LIN54: variants seen among roughly 807,000 people sequenced by gnomAD.
LIN54 encodes the protein lin-54 DREAM MuvB core complex component.
A neutral mutation model predicts 78.7 loss-of-function variants in LIN54; 9 were observed. The ratio of observed to expected loss-of-function variants is 0.11; its 90% CI spans 0.07 to 0.20. The LOEUF (loss-of-function observed/expected upper bound fraction) is 0.20, where lower values mean the gene tolerates loss of function less well. Among genes scored for constraint, LIN54 ranks in the 10% least tolerant of loss-of-function variants. The pLI, the probability that LIN54 is intolerant of heterozygous loss-of-function variation, is 1.00. For missense variants in LIN54, 573 were observed against 889.9 expected (o/e 0.64, Z 4.53); for synonymous variants, 269 against 318.4 (o/e 0.84, Z 1.65).
chr4:82,998,591 AAAGAGAGAAAGAG>A (rs909088954), intron 1 of LIN54, among the ~76,000 whole-genome samples: 1 of 147,668 alleles, frequency 6.8e-6, no homozygotes, highest in African/African-American at 2.6e-5. Context: ...GAGAGAAAGA[AAAGAGAGAAAGAG>A]AAGAGAGAAA....
At chr4:82,973,878 T>C (rs764568800) in intron 3 of LIN54, among the ~76,000 whole-genome samples, 4 of 152,186 alleles carry the variant, frequency 2.6e-5, no homozygotes, top group African/African-American at 4.8e-5. Flanking sequence ...GATATACATA[T>C]TCATGCAACA....
intron 5 of LIN54, among the ~76,000 whole-genome samples, chr4:82,943,861 ATTTTTTT>A (rs35020887): frequency 3.9e-5 from 5 of 128,390 alleles, no homozygotes; most frequent in East Asian, 4.7e-4. Context: ...GTCAATACTG[ATTTTTTT>A]TTTTTTTTTT....
At chr4:83,007,326 TAAAA>T (rs944657122) in intron 1 of LIN54, among the ~76,000 whole-genome samples, 2 of 151,674 alleles carry the variant, frequency 1.3e-5, no homozygotes, top group African/African-American at 4.8e-5. Flanking sequence ...TATACAAAAA[TAAAA>T]AAGGGAACTT....
At chr4:82,933,372 C>T (rs1722123858) in intron 11 of LIN54, among the ~76,000 whole-genome samples, 1 of 150,464 alleles carries the variant, frequency 6.6e-6, no homozygotes, top group Admixed American at 6.6e-5. Flanking sequence ...TTTAACTTCC[C>T]CTATACCAAA....
At chr4:82,929,614 G>C (rs1252923923) in intron 12 of LIN54, among the ~76,000 whole-genome samples, 1 of 151,996 alleles carries the variant, frequency 6.6e-6, no homozygotes, top group Non-Finnish European at 1.5e-5. Context: ...AGACCAGGCT[G>C]GCCAACATAG....
intron 4 of LIN54, among the ~76,000 whole-genome samples, chr4:82,959,336 A>T (rs867676323): frequency 4.6e-5 from 7 of 152,042 alleles, no homozygotes; most frequent in South Asian, 2.1e-4. Flanking sequence ...TCCAAAAAAA[A>T]TTTTTTTAAT....
chr4:82,971,819 AG>A, intron 3 of LIN54, among the ~76,000 whole-genome samples: 1 of 152,350 alleles, frequency 6.6e-6, no homozygotes, highest in Non-Finnish European at 1.5e-5. Flanking sequence ...TAAAGAGGAA[AG>A]TCAAGCATCT....
Position 82,964,603 on chromosome 4 carries a change from A to G in LIN54, c.951+5724T>C, listed in dbSNP as rs542481987. Reference sequence around the variant, plus strand: ...CATAAAATTCTTTTTCTATTATTGTAAATTAGATGGATAGATTTTTGGCTA... The same window carrying G: ...CATAAAATTCTTTTTCTATTATTGTGAATTAGATGGATAGATTTTTGGCTA... On this transcript the variant is annotated intron_variant, in intron 4 of 12. Coordinates refer to ENST00000340417, the MANE Select transcript of LIN54 (RefSeq NM_194282.4). Among the ~76,000 whole-genome samples the G allele has an allele frequency of 2.6e-5, 4 of 152,308 alleles. No individual in the cohort carries two copies. In the South Asian group the frequency reaches 8.3e-4, roughly 32 times the overall value.
intron 4 of LIN54, among the ~76,000 whole-genome samples, chr4:82,967,063 A>G (rs1725261414): frequency 6.6e-6 from 1 of 151,928 alleles, no homozygotes; most frequent in Non-Finnish European, 1.5e-5. Flanking sequence ...ACCCATCTCT[A>G]CTAAAAATAG....
intron 3 of LIN54, among the ~76,000 whole-genome samples, chr4:82,973,338 C>T (rs1725843907): frequency 6.6e-6 from 1 of 152,132 alleles, no homozygotes; most frequent in South Asian, 2.1e-4. Context: ...TTCCCAAGAA[C>T]CTTGATATCC....
At chr4:83,011,964 G>A (rs1729878942), upstream of LIN54, 1 of 919,828 alleles carries the variant, frequency 1.1e-6, no homozygotes, top group South Asian at 5.1e-5. Context: ...GTCTAAGTTA[G>A]TGTAGGAAGA....
intron 4 of LIN54, among the ~76,000 whole-genome samples, chr4:82,962,518 T>C (rs1724879836): frequency 6.6e-6 from 1 of 152,130 alleles, no homozygotes; most frequent in African/African-American, 2.4e-5. Context: ...ATAAGAACTT[T>C]ATGATTAATT....
rs558030468 is a variant in LIN54 at position 82,973,297 on chromosome 4, T to C, written c.809-2828A>G. Reference sequence around the variant, plus strand: ...CAACATACTCATAAAGCAGGTCATTTCTACCAAAATATTTCTAGATTTCAT... The same window carrying C: ...CAACATACTCATAAAGCAGGTCATTCCTACCAAAATATTTCTAGATTTCAT... On this transcript the variant is annotated intron_variant, in intron 3 of 12. Transcript: ENST00000340417. Among the ~76,000 whole-genome samples the C allele has an allele frequency of 6.6e-5, 10 of 152,312 alleles. No homozygotes were observed. In the East Asian group the frequency reaches 1.9e-3, roughly 29 times the overall value.
At chr4:82,937,481 A>T (rs775819476) in intron 8 of LIN54, among the ~76,000 whole-genome samples, 183 bp from the exon 9 acceptor site, 1 of 152,232 alleles carries the variant, frequency 6.6e-6, no homozygotes, top group Non-Finnish European at 1.5e-5. Flanking sequence ...GTGTCCATCT[A>T]AAATAAAAAG....
intron 2 of LIN54, 120 bp downstream of exon 2, chr4:82,984,041 A>C (rs1381295501): frequency 1.4e-6 from 1 of 709,080 alleles, no homozygotes; most frequent in African/African-American, 1.8e-5. Context: ...ATTACATAAA[A>C]CAACATTCAA....
At position 82,979,939 on chromosome 4, in the gene LIN54, C is replaced by CAAAAAAAAAAAAAAA. The variant is rs70943176; in HGVS notation, c.685-948_685-934dup. 9.0e-4 allele frequency among the ~76,000 whole-genome samples: 45 copies of CAAAAAAAAAAAAAAA among 49,850 alleles called. 6 individuals are homozygous for CAAAAAAAAAAAAAAA. The highest frequency in any genetic ancestry group is 2.3e-3 in the East Asian group (4 of 1,710). The allele number at this position is 49,850 out of a possible 152,430, so 32.7% of individuals were successfully genotyped here. ...TGACAGAGTGAGTGAGACTCTGTCT[C>CAAAAAAAAAAAAAAA]AAAAAAAAAAAAAAAAAAAAAAAAA... On this transcript the variant is annotated intron_variant, in intron 2 of 12. Transcript: ENST00000340417.
intron 5 of LIN54, among the ~76,000 whole-genome samples, chr4:82,942,854 GCGCGCGCACACA>G (rs1439786682): frequency 8.5e-5 from 4 of 47,228 alleles, no homozygotes; most frequent in East Asian, 2.6e-3. Flanking sequence ...GTGTGCGTGT[GCGCGCGCACACA>G]CACACACACA....
intron 1 of LIN54, among the ~76,000 whole-genome samples, chr4:83,008,757 C>A (rs1729620786): frequency 6.6e-6 from 1 of 152,176 alleles, no homozygotes; most frequent in South Asian, 2.1e-4. Flanking sequence ...TGGTATAATT[C>A]TTGCTTCATT....
chr4:83,001,501 G>A (rs1728766373), intron 1 of LIN54, among the ~76,000 whole-genome samples: 1 of 151,938 alleles, frequency 6.6e-6, no homozygotes, highest in South Asian at 2.1e-4. Context: ...GGTGAGCTAT[G>A]ATCACACCAC....
Sources: gnomAD v4.1 joint callset for allele counts (sites outside exome capture counted in the v4.1 genomes callset) on GRCh38, gnomAD v4.1.1 for gene constraint, MANE v1.5 for transcripts, NCBI Gene and HGNC (gene_info 2026-07-23, HGNC 2026-07-21) for gene names.